CDC14A: variants seen among roughly 807,000 people sequenced by gnomAD.
The protein encoded by CDC14A is dual specificity protein phosphatase CDC14A.
Under a neutral mutation model 74.4 loss-of-function variants are expected in CDC14A, and 53 were observed. The observed-to-expected ratio is 0.71, with a 90% CI of 0.57 to 0.89. The LOEUF (loss-of-function observed/expected upper bound fraction) is 0.89. CDC14A is among the 40% of genes least tolerant of loss of function. CDC14A has a pLI of 0.00. For missense variants in CDC14A, 646 were observed against 713.7 expected (o/e 0.91, Z 1.08); for synonymous variants, 247 against 258.4 (o/e 0.96, Z 0.43).
At chr1:100,375,649 C>T (rs1011491352) in intron 2 of CDC14A, among the ~76,000 whole-genome samples, 2 of 152,160 alleles carry the variant, frequency 1.3e-5, no homozygotes, top group Non-Finnish European at 2.9e-5. Context: ...CAGGAAACAA[C>T]AGGTGCTGGA....
rs561074202 is a variant in CDC14A at position 100,376,733 on chromosome 1, G to A, written c.141-813G>A. ...CTGGAGATGTTAGGGGATGAAGAGAGGGGGAGGAGCCAGTGTGTCTTATAA... is the reference window on the plus strand; with the variant it reads ...CTGGAGATGTTAGGGGATGAAGAGAAGGGGAGGAGCCAGTGTGTCTTATAA... On this transcript the variant is annotated intron_variant, in intron 2 of 15. Transcript: ENST00000336454. Among the ~76,000 whole-genome samples the A allele has an allele frequency of 4.6e-5, 7 of 152,236 alleles. No homozygotes were observed. In the East Asian group the frequency reaches 1.2e-3, roughly 25 times the overall value.
At chr1:100,459,101 G>GCACACACACACACACACGCA (rs1667035710) in intron 8 of CDC14A, among the ~76,000 whole-genome samples, 1 of 143,690 alleles carries the variant, frequency 7.0e-6, no homozygotes, top group African/African-American at 2.7e-5. Context: ...ACACACACAC[G>GCACACACACACACACACGCA]CACACACACA....
chr1:100,509,378 G>A (rs2101472635), intron 15 of CDC14A, among the ~76,000 whole-genome samples: 1 of 152,280 alleles, frequency 6.6e-6, no homozygotes, highest in Non-Finnish European at 1.5e-5. Context: ...AATCCCCACT[G>A]AATTCCTTGA....
chr1:100,388,142 C>T (rs904766917), intron 3 of CDC14A, among the ~76,000 whole-genome samples: 4 of 152,166 alleles, frequency 2.6e-5, no homozygotes, highest in African/African-American at 7.2e-5. Context: ...ATAAGAGCGT[C>T]GAGTCCCTAT....
intron 5 of CDC14A, among the ~76,000 whole-genome samples, chr1:100,431,172 C>G (rs1169005670): frequency 6.6e-6 from 1 of 152,178 alleles, no homozygotes; most frequent in Non-Finnish European, 1.5e-5. Context: ...AGAAGAGAAA[C>G]AAGTGTAAGT....
At chr1:100,409,733 C>A (rs1660425028) in intron 4 of CDC14A, among the ~76,000 whole-genome samples, 1 of 152,166 alleles carries the variant, frequency 6.6e-6, no homozygotes, top group South Asian at 2.1e-4. Flanking sequence ...GTTGCAGTTG[C>A]AAGGCTTTCA....
intron 4 of CDC14A, among the ~76,000 whole-genome samples, chr1:100,404,516 C>T (rs1659682857): frequency 6.6e-6 from 1 of 152,132 alleles, no homozygotes; most frequent in Admixed American, 6.5e-5. Flanking sequence ...AGTTATACAG[C>T]AAATTCATGG....
chr1:100,395,134 A>C (rs1370245934), intron 4 of CDC14A, among the ~76,000 whole-genome samples: 1 of 152,204 alleles, frequency 6.6e-6, no homozygotes. Flanking sequence ...TTGACTGACT[A>C]ATAAAAGTAT....
chr1:100,358,340 G>A (rs968807707), intron 2 of CDC14A, among the ~76,000 whole-genome samples: 1 of 152,226 alleles, frequency 6.6e-6, no homozygotes, highest in African/African-American at 2.4e-5. Context: ...TAAAAAGTTA[G>A]TGAAATGAAA....
At chr1:100,425,810 T>G (rs1662894316) in intron 5 of CDC14A, among the ~76,000 whole-genome samples, 1 of 152,176 alleles carries the variant, frequency 6.6e-6, no homozygotes. Context: ...TATAATCCTA[T>G]TTTTTCAGAA....
At chr1:100,421,532 G>A (rs1009656007) in intron 4 of CDC14A, among the ~76,000 whole-genome samples, 3 of 152,150 alleles carry the variant, frequency 2.0e-5, no homozygotes, top group Non-Finnish European at 2.9e-5. Context: ...TTCTCCTTCT[G>A]ATCCTTCCCC....
intron 15 of CDC14A, among the ~76,000 whole-genome samples, chr1:100,515,637 G>A (rs961899913): frequency 1.3e-5 from 2 of 151,632 alleles, no homozygotes; most frequent in African/African-American, 2.4e-5. Flanking sequence ...CACCCGCCTC[G>A]GCCTCCCAAA....
chr1:100,379,267 T>C (rs1331376445), intron 3 of CDC14A, among the ~76,000 whole-genome samples: 2 of 152,228 alleles, frequency 1.3e-5, no homozygotes, highest in African/African-American at 4.8e-5. Context: ...TAAGTATATG[T>C]ATGTAAACTT....
chr1:100,487,610 C>T (rs1421781992), intron 11 of CDC14A, among the ~76,000 whole-genome samples: 1 of 132,910 alleles, frequency 7.5e-6, no homozygotes, highest in Non-Finnish European at 1.7e-5. Context: ...AACAAAAATA[C>T]AGTTTTTTAG....
intron 15 of CDC14A, among the ~76,000 whole-genome samples, chr1:100,518,032 T>G (rs1341104900): frequency 6.6e-6 from 1 of 152,206 alleles, no homozygotes; most frequent in African/African-American, 2.4e-5. Flanking sequence ...TTAGTAAACC[T>G]TTTAAAATAT....
At chr1:100,428,742 C>T (rs1663251868) in intron 5 of CDC14A, among the ~76,000 whole-genome samples, 1 of 152,088 alleles carries the variant, frequency 6.6e-6, no homozygotes, top group Admixed American at 6.5e-5. Context: ...TAAAGTCCCG[C>T]AAAACATTGA....
At chr1:100,438,049 T>A (rs1282231401) in intron 5 of CDC14A, among the ~76,000 whole-genome samples, 1 of 152,248 alleles carries the variant, frequency 6.6e-6, no homozygotes, top group East Asian at 1.9e-4. Context: ...TTACATCCAA[T>A]TATAAATGTT....
chr1:100,459,869 G>T (rs76551128), intron 8 of CDC14A, among the ~76,000 whole-genome samples: 19,532 of 152,202 alleles, frequency 0.13, 1,593 homozygotes, highest in Non-Finnish European at 0.17. Flanking sequence ...TCCATTGTTC[G>T]TTATAATTTA....
intron 15 of CDC14A, among the ~76,000 whole-genome samples, chr1:100,503,733 A>G (rs967548709): frequency 6.6e-6 from 1 of 152,206 alleles, no homozygotes; most frequent in African/African-American, 2.4e-5. Context: ...ACTGTAAAAA[A>G]TGAGTTTCAC....
Sources: gnomAD v4.1 joint callset for allele counts (sites outside exome capture counted in the v4.1 genomes callset) on GRCh38, gnomAD v4.1.1 for gene constraint, MANE v1.5 for transcripts, NCBI Gene and HGNC (gene_info 2026-07-23, HGNC 2026-07-21) for gene names.